The following TBC1D9 variants were observed in gnomAD, a reference collection of about 807,000 sequenced individuals.
TBC1D9 encodes the protein TBC1 domain family member 9A.
Under a neutral mutation model 132.0 loss-of-function variants are expected in TBC1D9, and 63 were observed. The observed-to-expected ratio is 0.48, with a 90% CI of 0.39 to 0.59. TBC1D9 has a LOEUF of 0.59. TBC1D9 is among the 20% of genes least tolerant of loss of function. TBC1D9 has a pLI of 0.00. For synonymous variants in TBC1D9, 610 were observed against 609.9 expected, an observed-to-expected ratio of 1.00 and a Z score of 0.00; for missense variants, 1,261 against 1,592.7, an observed-to-expected ratio of 0.79 and a Z score of 3.54.
intron 13 of TBC1D9, among the ~76,000 whole-genome samples, chr4:140,646,281 T>C (rs1239032062): frequency 6.6e-6 from 1 of 152,148 alleles, no homozygotes; most frequent in African/African-American, 2.4e-5. Context: ...CAAACCCAGG[T>C]CGTCTGATTT....
chr4:140,637,374 G>T (rs1425054232), intron 15 of TBC1D9, among the ~76,000 whole-genome samples: 1 of 151,264 alleles, frequency 6.6e-6, no homozygotes, highest in African/African-American at 2.4e-5. Context: ...AAAAAAAGAT[G>T]TGATTTCAAT....
chr4:140,701,240 C>CT (rs2111039417), intron 2 of TBC1D9, among the ~76,000 whole-genome samples: 1 of 152,244 alleles, frequency 6.6e-6, no homozygotes, highest in African/African-American at 2.4e-5. Flanking sequence ...GTATGCTGAC[C>CT]TTGGAGGCCT....
intron 3 of TBC1D9, among the ~76,000 whole-genome samples, chr4:140,685,755 G>C (rs931243111): frequency 5.9e-5 from 9 of 152,210 alleles, no homozygotes; most frequent in African/African-American, 2.2e-4. Flanking sequence ...TATCCCGCAT[G>C]TTCTCATTCA....
chr4:140,717,699 A>T (rs370051214), intron 1 of TBC1D9, among the ~76,000 whole-genome samples: 1 of 152,294 alleles, frequency 6.6e-6, no homozygotes, highest in African/African-American at 2.4e-5. Flanking sequence ...AGGGAAACAG[A>T]TTCTTTCTAC....
At chr4:140,633,435 G>A (rs1447282273) in intron 16 of TBC1D9, among the ~76,000 whole-genome samples, 1 of 152,142 alleles carries the variant, frequency 6.6e-6, no homozygotes, top group African/African-American at 2.4e-5. Context: ...GTGAGGCTGG[G>A]CCTGCTCCTG....
Position 140,737,436 on chromosome 4 carries a change from T to TTC in TBC1D9, c.130+18478_130+18479dup, listed in dbSNP as rs60339822. Among the ~76,000 whole-genome samples the TTC allele has an allele frequency of 2.0e-3, 294 of 147,300 alleles. 1 individual carries two copies. Among genetic ancestry groups the TTC allele is most frequent in the African/African-American group, 4.6e-3 (183 of 39,846 alleles). Reference sequence around the variant, plus strand: ...TAGCTCTCTCTCCCTGCACCCTCCCTTCTCTCTCTCTCTCTCTCTCTCTCT... The same window carrying TTC: ...TAGCTCTCTCTCCCTGCACCCTCCCTTCTCTCTCTCTCTCTCTCTCTCTCTCT... On this transcript the variant is annotated intron_variant, in intron 1 of 20. Coordinates refer to ENST00000442267, the MANE Select transcript of TBC1D9 (RefSeq NM_015130.3).
At position 140,756,137 on chromosome 4, in the gene TBC1D9, G is replaced by A; in HGVS notation, c.-92C>T. 1 of 1,065,686 alleles carries A rather than the reference G, an allele frequency of 9.4e-7. No individual in the cohort carries two copies. The highest frequency in any genetic ancestry group is 1.2e-6 in the Non-Finnish European group (1 of 810,810). The allele number at this position is 1,065,686 out of a possible 1,614,324, so 66.0% of individuals were successfully genotyped here. On this transcript the variant is annotated 5_prime_UTR_variant, in exon 1 of 21. Coordinates refer to ENST00000442267, the MANE Select transcript of TBC1D9 (RefSeq NM_015130.3). The surrounding 1 kb of genome is among the most constrained non-coding windows in gnomAD (Gnocchi z 5.6). ...CAGGCGCGCACTCCTGGGCACACGC[G>A]CGCCCGCCCGCCCGTCCGCTAGGTG...
chr4:140,704,579 G>T (rs1244214693), intron 1 of TBC1D9, among the ~76,000 whole-genome samples: 2 of 152,070 alleles, frequency 1.3e-5, no homozygotes, highest in Non-Finnish European at 2.9e-5. Context: ...GGCAGTCCTG[G>T]TTCTAGAATG....
At chr4:140,636,243 T>C (rs1009973500) in intron 15 of TBC1D9, among the ~76,000 whole-genome samples, 2 of 152,204 alleles carry the variant, frequency 1.3e-5, no homozygotes, top group Admixed American at 6.5e-5. Flanking sequence ...AAAGGGCCCC[T>C]GAACCACATT....
intron 1 of TBC1D9, among the ~76,000 whole-genome samples, chr4:140,702,648 T>G (rs893004598): frequency 6.6e-6 from 1 of 152,192 alleles, no homozygotes; most frequent in African/African-American, 2.4e-5. Context: ...CTGTCATCAG[T>G]GCAAATTTCT....
chr4:140,670,664 C>A (rs934423350), intron 7 of TBC1D9, 56 bp downstream of exon 7: 6 of 1,472,634 alleles, frequency 4.1e-6, no homozygotes, highest in Non-Finnish European at 5.7e-6. Flanking sequence ...GAACTGAACA[C>A]ACTTGGGCAC....
At chr4:140,655,162 C>A (rs1044644342) in intron 13 of TBC1D9, among the ~76,000 whole-genome samples, 1 of 151,916 alleles carries the variant, frequency 6.6e-6, no homozygotes, top group Admixed American at 6.6e-5. Flanking sequence ...AAATGTAAAA[C>A]GCTTATAGGA....
intron 1 of TBC1D9, among the ~76,000 whole-genome samples, chr4:140,710,540 C>G (rs1367200167): frequency 6.6e-6 from 1 of 152,128 alleles, no homozygotes; most frequent in African/African-American, 2.4e-5. Flanking sequence ...ACAAACAGAG[C>G]AGAAAACTAA....
chr4:140,739,681 A>G (rs911291290), intron 1 of TBC1D9, among the ~76,000 whole-genome samples: 13 of 152,204 alleles, frequency 8.5e-5, no homozygotes, highest in Admixed American at 7.9e-4. Flanking sequence ...ATTTGTACAT[A>G]TTACCAAAAT....
intron 6 of TBC1D9, among the ~76,000 whole-genome samples, chr4:140,671,533 C>T (rs1737535314): frequency 6.6e-6 from 1 of 152,328 alleles, no homozygotes; most frequent in Non-Finnish European, 1.5e-5. Flanking sequence ...CAAAACACCA[C>T]CAATCCTTCA....
chr4:140,735,930 T>C lies in TBC1D9; in HGVS notation c.130+19986A>G, dbSNP rs142586706. Reference sequence around the variant, plus strand: ...AGCGGGGATGGATCACAGCTCATTATACATATTTCTAGCAAGGATACAACC... The same window carrying C: ...AGCGGGGATGGATCACAGCTCATTACACATATTTCTAGCAAGGATACAACC... On this transcript the variant is annotated intron_variant, in intron 1 of 20. Coordinates refer to ENST00000442267, the MANE Select transcript of TBC1D9 (RefSeq NM_015130.3). Among the ~76,000 whole-genome samples the C allele has an allele frequency of 1.1e-3, 161 of 152,292 alleles. 1 individual carries two copies. The highest frequency in any genetic ancestry group is 3.4e-3 in the Middle Eastern group (1 of 294).
At chr4:140,659,557 AG>A in intron 11 of TBC1D9, 30 bp downstream of exon 11, 1 of 1,450,742 alleles carries the variant, frequency 6.9e-7, no homozygotes. Context: ...GACGAGACAT[AG>A]GTTGAAATGT....
intron 1 of TBC1D9, among the ~76,000 whole-genome samples, chr4:140,738,394 T>C (rs1393229504): frequency 6.6e-6 from 1 of 152,224 alleles, no homozygotes; most frequent in African/African-American, 2.4e-5. Flanking sequence ...TGTAGATTCA[T>C]TGAGGACTAA....
intron 2 of TBC1D9, among the ~76,000 whole-genome samples, chr4:140,693,525 C>A (rs1473597903): frequency 6.6e-6 from 1 of 152,140 alleles, no homozygotes; most frequent in Non-Finnish European, 1.5e-5. Context: ...ATGTAAGGAA[C>A]AACACTTAAC....
Sources: gnomAD v4.1 joint callset for allele counts (sites outside exome capture counted in the v4.1 genomes callset) on GRCh38, gnomAD v4.1.1 for gene constraint, Gnocchi (gnomAD v3.1) non-coding constraint, MANE v1.5 for transcripts, NCBI Gene and HGNC (gene_info 2026-07-23, HGNC 2026-07-21) for gene names.